The following GATAD2B variants were observed in gnomAD, a reference collection of about 807,000 sequenced individuals.
GATAD2B encodes transcriptional repressor p66-beta.
Under a neutral mutation model 64.3 loss-of-function variants are expected in GATAD2B, and 8 were observed. That is an observed-to-expected ratio of 0.12 (90% CI 0.07 to 0.22). GATAD2B has a LOEUF of 0.22. GATAD2B is among the 10% of genes least tolerant of loss of function. GATAD2B has a pLI of 1.00. For missense variants in GATAD2B, 453 were observed against 752.0 expected (o/e 0.60, Z 4.65); for synonymous variants, 281 against 271.3 (o/e 1.04, Z -0.35).
At chr1:153,841,097 C>G (rs1382148930) in intron 1 of GATAD2B, among the ~76,000 whole-genome samples, 3 of 145,476 alleles carry the variant, frequency 2.1e-5, no homozygotes, top group Non-Finnish European at 3.0e-5. Flanking sequence ...TGCACTCCAG[C>G]CTGGGTGACA....
At chr1:153,853,036 C>G in intron 1 of GATAD2B, 1 of 1,471,610 alleles carries the variant, frequency 6.8e-7, no homozygotes, top group Non-Finnish European at 9.5e-7. Flanking sequence ...GAATCCTTGG[C>G]CCCAGTCACA....
chr1:153,856,714 T>C (rs1557806666), intron 1 of GATAD2B, among the ~76,000 whole-genome samples: 1 of 152,054 alleles, frequency 6.6e-6, no homozygotes, highest in East Asian at 1.9e-4. Context: ...GTTCAAGATC[T>C]GGGCAACATA....
chr1:153,843,269 G>A (rs1675560788), intron 1 of GATAD2B, among the ~76,000 whole-genome samples: 1 of 151,490 alleles, frequency 6.6e-6, no homozygotes, highest in African/African-American at 2.4e-5. Flanking sequence ...CAAGCAGCTA[G>A]GACTACAGGT....
intron 2 of GATAD2B, 114 bp from the exon 3 acceptor site, chr1:153,819,849 A>T: frequency 1.2e-6 from 1 of 847,040 alleles, no homozygotes; most frequent in East Asian, 2.8e-5. Flanking sequence ...CTGTAATCCT[A>T]GCACTTTGGG....
At chr1:153,861,002 C>T (rs1366291625) in intron 1 of GATAD2B, among the ~76,000 whole-genome samples, 1 of 152,140 alleles carries the variant, frequency 6.6e-6, no homozygotes, top group Non-Finnish European at 1.5e-5. Flanking sequence ...GTTGAATGAA[C>T]TGGCTTTAAA....
At chr1:153,853,176 G>A (rs1557804529) in intron 1 of GATAD2B, 17 of 1,281,894 alleles carry the variant, frequency 1.3e-5, no homozygotes. Flanking sequence ...ACGGATATTG[G>A]CAACTGCAAT....
In GATAD2B at chr1:153,884,765, ATT is replaced by A. The variant is rs1677126229; in HGVS notation, c.-2+37966_-2+37967del. Among the ~76,000 whole-genome samples, 9 of 151,956 alleles carry A rather than the reference ATT, an allele frequency of 5.9e-5. No homozygotes were observed. The South Asian group carries it at 1.7e-3, about 28-fold the overall frequency. On this transcript the variant is annotated intron_variant, in intron 1 of 10. Transcript: ENST00000368655. ...TCTTTTCTCCATTTTCTTTTTATTTATTTCTTTTTTTCGAGACAGTCTCGCTC... is the reference window on the plus strand; with the variant it reads ...TCTTTTCTCCATTTTCTTTTTATTTATCTTTTTTTCGAGACAGTCTCGCTC...
intron 10 of GATAD2B, 115 bp from the exon 11 acceptor site, chr1:153,810,425 A>G (rs1674255251): frequency 1.0e-6 from 1 of 980,192 alleles, no homozygotes; most frequent in Non-Finnish European, 1.6e-6. Context: ...ATTTACCAGT[A>G]TCTGGTCACA....
chr1:153,883,206 AAAT>A (rs1459873438), intron 1 of GATAD2B, among the ~76,000 whole-genome samples: 1 of 152,218 alleles, frequency 6.6e-6, no homozygotes, highest in Non-Finnish European at 1.5e-5. Flanking sequence ...ACATGGAGAA[AAAT>A]AATCTTCACC....
chr1:153,819,661 C>T lies in GATAD2B; in HGVS notation c.410G>A (p.Arg137His), dbSNP rs368663587. The T allele has an allele frequency of 8.1e-6, 13 of 1,610,618 alleles. No homozygotes were observed. The highest frequency in any genetic ancestry group is 6.8e-6 in the Non-Finnish European group (8 of 1,177,884). The change falls in exon 3 of 11, where the codon CGT (arginine) becomes CAT (histidine). Residue 137 changes from arginine (R) to histidine (H), a missense_variant. Transcript: ENST00000368655. Reference sequence around the variant, plus strand: ...TCTTTCTTCCATTCTGGAACTGGAACGGGGACTGGAAGCCTCATTGTCAGA... The same window carrying T: ...TCTTTCTTCCATTCTGGAACTGGAATGGGGACTGGAAGCCTCATTGTCAGA... ...VLSDNEASSP[R>H]SSSRMEERLK...
At chr1:153,822,560 T>G (rs988229871) in intron 2 of GATAD2B, among the ~76,000 whole-genome samples, 2 of 152,204 alleles carry the variant, frequency 1.3e-5, no homozygotes, top group African/African-American at 4.8e-5. Flanking sequence ...TCACCGGGGC[T>G]GGAGGGCAAT....
intron 1 of GATAD2B, chr1:153,852,349 T>C (rs1334128416): frequency 1.1e-6 from 1 of 914,038 alleles, no homozygotes; most frequent in African/African-American, 1.6e-5. Context: ...GAACACTGAG[T>C]AGATGTCGCC....
At chr1:153,897,665 G>A (rs369192532) in intron 1 of GATAD2B, among the ~76,000 whole-genome samples, 4 of 152,134 alleles carry the variant, frequency 2.6e-5, no homozygotes, top group African/African-American at 9.6e-5. Context: ...TTCTTCTATA[G>A]GGACCCAGAA....
intron 1 of GATAD2B, among the ~76,000 whole-genome samples, chr1:153,918,109 G>A (rs1338305081): frequency 6.6e-6 from 1 of 152,166 alleles, no homozygotes; most frequent in African/African-American, 2.4e-5. Flanking sequence ...CAGTGTGGCT[G>A]GAATGGAGAG....
chr1:153,893,625 A>G (rs1407168076), intron 1 of GATAD2B, among the ~76,000 whole-genome samples: 3 of 151,560 alleles, frequency 2.0e-5, no homozygotes, highest in African/African-American at 7.3e-5. Context: ...AAAAAATAAA[A>G]TAAGTTTACC....
At chr1:153,831,532 G>A (rs753422458) in intron 1 of GATAD2B, among the ~76,000 whole-genome samples, 8 of 152,030 alleles carry the variant, frequency 5.3e-5, no homozygotes, top group Non-Finnish European at 1.2e-4. Flanking sequence ...GCTTTACTGA[G>A]ATATAATTCA....
At chr1:153,892,971 G>A (rs1439059969) in intron 1 of GATAD2B, among the ~76,000 whole-genome samples, 1 of 152,088 alleles carries the variant, frequency 6.6e-6, no homozygotes, top group Non-Finnish European at 1.5e-5. Flanking sequence ...GGGATTATAG[G>A]TGTGAGCCAC....
chr1:153,818,250 T>C lies in GATAD2B; in HGVS notation c.598-79A>G, dbSNP rs16835622. 2,531 of 1,310,772 alleles carry C rather than the reference T, an allele frequency of 1.9e-3. 72 individuals carry two copies. In the East Asian group the frequency reaches 0.057, roughly 30 times the overall value. 81.2% of individuals were successfully genotyped at this position (1,310,772 alleles called of 1,614,324 possible). A position where few individuals can be genotyped will look rare whatever the true frequency, so the allele number is the denominator to read the frequency against. On this transcript the variant is annotated intron_variant, in intron 4 of 10. Transcript: ENST00000368655. ...TGGTACATTTCTAGACTTTAAAAAT[T>C]CCTGGTCAGTGTGAGGTTCTTGTCA...
chr1:153,867,537 C>T (rs566702124), intron 1 of GATAD2B, among the ~76,000 whole-genome samples: 1 of 151,886 alleles, frequency 6.6e-6, no homozygotes, highest in African/African-American at 2.4e-5. Context: ...AAATCAAGGA[C>T]CCCAAAGAGA....
Sources: gnomAD v4.1 joint callset for allele counts (sites outside exome capture counted in the v4.1 genomes callset) on GRCh38, gnomAD v4.1.1 for gene constraint, MANE v1.5 for transcripts, NCBI Gene and HGNC (gene_info 2026-07-23, HGNC 2026-07-21) for gene names.